HSD17B12: variants seen among roughly 807,000 people sequenced by gnomAD.
The protein encoded by HSD17B12 is hydroxysteroid 17-beta dehydrogenase 12.
Under a neutral mutation model 39.3 loss-of-function variants are expected in HSD17B12, and 32 were observed. That is an observed-to-expected ratio of 0.81 (90% CI 0.61 to 1.09). The LOEUF is 1.09. HSD17B12 is among the 50% of genes least tolerant of loss of function. The pLI, the probability that HSD17B12 is intolerant of heterozygous loss-of-function variation, is 0.00. For missense variants in HSD17B12, 342 were observed against 382.9 expected (o/e 0.89, Z 0.89); for synonymous variants, 150 against 146.7 (o/e 1.02, Z -0.16).
rs1010862437 is a variant in HSD17B12, at chr11:43,712,755, T to G, written c.160+31768T>G. On this transcript the variant is annotated intron_variant, in intron 1 of 10. Coordinates refer to ENST00000278353, the MANE Select transcript of HSD17B12 (RefSeq NM_016142.3). ...GGCAAAATTAACTTTCTAAACTGAC[T>G]GAGACCTCTCTCAGATTTTGAGTTC... 2.0e-5 allele frequency among the ~76,000 whole-genome samples: 3 copies of G among 152,184 alleles called. No homozygotes were observed. The South Asian group carries it at 6.2e-4, about 31-fold the overall frequency.
At chr11:43,609,480 C>G in the HSD17B12 span, among the ~76,000 whole-genome samples, 1 of 151,900 alleles carries the variant, frequency 6.6e-6, no homozygotes, top group South Asian at 2.1e-4. Flanking sequence ...ATCCTCCCAT[C>G]TCAGCCTCCC....
At chr11:43,608,651 T>A in the HSD17B12 span, among the ~76,000 whole-genome samples, 1 of 152,226 alleles carries the variant, frequency 6.6e-6, no homozygotes, top group East Asian at 1.9e-4. Context: ...TATACCATGA[T>A]GTATTTAACC....
intron 6 of HSD17B12, among the ~76,000 whole-genome samples, chr11:43,827,237 C>T (rs976467112): frequency 6.6e-6 from 1 of 152,168 alleles, no homozygotes; most frequent in Admixed American, 6.5e-5. Context: ...GTGATTAAAG[C>T]ATCTTGAATT....
chr11:43,706,214 T>C (rs1408398205), intron 1 of HSD17B12, among the ~76,000 whole-genome samples: 2 of 152,116 alleles, frequency 1.3e-5, no homozygotes, highest in Non-Finnish European at 2.9e-5. Flanking sequence ...AGCAGTAATA[T>C]AAGGCCGAAG....
the HSD17B12 span, among the ~76,000 whole-genome samples, chr11:43,577,103 C>T: frequency 1.3e-5 from 2 of 152,180 alleles, no homozygotes; most frequent in African/African-American, 2.4e-5. Context: ...GGTTCCGGTC[C>T]GGGAACTAAG....
the HSD17B12 span, among the ~76,000 whole-genome samples, chr11:43,674,847 T>C: frequency 6.6e-6 from 1 of 152,232 alleles, no homozygotes; most frequent in African/African-American, 2.4e-5. Flanking sequence ...ATGGGTTCCT[T>C]AGAAAGGCGT....
the HSD17B12 span, chr11:43,645,980 CA>C: frequency 0.87 from 123,604 of 142,150 alleles, 54,880 homozygotes; most frequent in East Asian, 0.96. Flanking sequence ...GACCCTGTCT[CA>C]AAAAAAAAAA....
the HSD17B12 span, among the ~76,000 whole-genome samples, chr11:43,643,486 T>C: frequency 6.6e-6 from 1 of 152,192 alleles, no homozygotes; most frequent in Non-Finnish European, 1.5e-5. Context: ...TCTTTACTTG[T>C]TGCTTGTTGG....
At chr11:43,800,414 C>G (rs1224261668) in intron 4 of HSD17B12, among the ~76,000 whole-genome samples, 1 of 152,166 alleles carries the variant, frequency 6.6e-6, no homozygotes, top group Non-Finnish European at 1.5e-5. Flanking sequence ...TTTGCATAAA[C>G]TTTAGTTGCT....
chr11:43,835,578 A>T (rs1362550898), intron 7 of HSD17B12, among the ~76,000 whole-genome samples: 3 of 152,158 alleles, frequency 2.0e-5, no homozygotes, highest in African/African-American at 4.8e-5. Context: ...GGTAGGACAG[A>T]GATTTGTAGA....
At chr11:43,722,200 A>G (rs1285620891) in intron 1 of HSD17B12, among the ~76,000 whole-genome samples, 1 of 152,194 alleles carries the variant, frequency 6.6e-6, no homozygotes, top group Non-Finnish European at 1.5e-5. Flanking sequence ...CTTGACTATT[A>G]TTAACTTTGT....
At chr11:43,758,377 G>T (rs562292390) in intron 3 of HSD17B12, among the ~76,000 whole-genome samples, 1 of 152,250 alleles carries the variant, frequency 6.6e-6, no homozygotes, top group Non-Finnish European at 1.5e-5. Context: ...CCACTGGAAA[G>T]GGAGGTTCAG....
the HSD17B12 span, chr11:43,584,753 G>A: frequency 1.3e-5 from 2 of 152,320 alleles, no homozygotes; most frequent in Non-Finnish European, 2.9e-5. Flanking sequence ...CCCACTTGAT[G>A]ATGAGATACA....
chr11:43,756,944 A>G (rs1333220790), intron 3 of HSD17B12, among the ~76,000 whole-genome samples: 1 of 152,232 alleles, frequency 6.6e-6, no homozygotes, highest in Non-Finnish European at 1.5e-5. Context: ...ATTAAAAGGC[A>G]TGGGTTTTTA....
At chr11:43,686,815 T>C (rs922279233) in intron 1 of HSD17B12, among the ~76,000 whole-genome samples, 1 of 152,176 alleles carries the variant, frequency 6.6e-6, no homozygotes, top group African/African-American at 2.4e-5. Context: ...ATTATTAGCC[T>C]TAGTAGCACT....
chr11:43,840,210 T>C, intron 9 of HSD17B12, 146 bp downstream of exon 9: 1 of 612,628 alleles, frequency 1.6e-6, no homozygotes. Flanking sequence ...GGTTTCTTTT[T>C]CCTTAATGCA....
At chr11:43,643,215 G>A in the HSD17B12 span, among the ~76,000 whole-genome samples, 7 of 152,142 alleles carry the variant, frequency 4.6e-5, no homozygotes, top group African/African-American at 1.7e-4. Context: ...TCAGTTATAC[G>A]TCTGGGCATG....
chr11:43,649,696 G>A, the HSD17B12 span, among the ~76,000 whole-genome samples: 1 of 152,228 alleles, frequency 6.6e-6, no homozygotes. Flanking sequence ...AGAAGGTGGA[G>A]TCTTTTCACT....
chr11:43,665,568 T>C, the HSD17B12 span, among the ~76,000 whole-genome samples: 3 of 152,022 alleles, frequency 2.0e-5, no homozygotes, highest in African/African-American at 7.2e-5. Flanking sequence ...CATTGACCAC[T>C]TGTGGAAGTG....
Sources: gnomAD v4.1 joint callset for allele counts (sites outside exome capture counted in the v4.1 genomes callset) on GRCh38, gnomAD v4.1.1 for gene constraint, MANE v1.5 for transcripts, NCBI Gene and HGNC (gene_info 2026-07-23, HGNC 2026-07-21) for gene names.